AGFG1: variants seen among roughly 807,000 people sequenced by gnomAD.
The protein encoded by AGFG1 is ArfGAP with FG repeats 1.
Under a neutral mutation model 60.6 loss-of-function variants are expected in AGFG1, and 10 were observed. That is an observed-to-expected ratio of 0.16 (90% CI 0.10 to 0.28). The LOEUF (loss-of-function observed/expected upper bound fraction) is 0.28. Among genes scored for constraint, AGFG1 ranks in the 10% least tolerant of loss-of-function variants. The pLI is 1.00. For synonymous variants in AGFG1, 247 were observed against 242.9 expected (o/e 1.02, Z -0.16); for missense variants, 537 against 676.5 (o/e 0.79, Z 2.29).
Position 227,554,482 on chromosome 2 carries a change from A to G in AGFG1, c.1676A>G (p.Asn559Ser), listed in dbSNP as rs1230050037. The part of the protein sequence containing the change: ...GQFPTGSSST[N>S]PFL ...TTTCCAACAGGAAGCTCATCAACCA[A>G]TCCTTTCTTATAGCCTTATATAGAC... Residue 559 changes from asparagine (N) to serine (S), a missense_variant, in exon 13 of 13, where the codon AAT becomes AGT. Asn to Ser is a conservative substitution (Grantham distance 46). This residue lies in a region of AGFG1 where 28 missense variants were observed against 51.5 expected (regional missense o/e 0.54). Transcript: ENST00000310078. The G allele has an allele frequency of 2.5e-6, 4 of 1,613,536 alleles. No individual in the cohort carries two copies. In the South Asian group the frequency reaches 3.3e-5, roughly 13 times the overall value.
At chr2:227,494,997 A>C (rs2106173535) in intron 2 of AGFG1, among the ~76,000 whole-genome samples, 1 of 152,318 alleles carries the variant, frequency 6.6e-6, no homozygotes, top group African/African-American at 2.4e-5. Flanking sequence ...AGAGTAGATC[A>C]TTAGTTTCTA....
At position 227,554,460 on chromosome 2, in the gene AGFG1, C is replaced by G; in HGVS notation, c.1654C>G (p.Pro552Ala). Reference protein sequence around the residue: ...FMTGAPTGQFPTGSSSTNPFL With the variant: ...FMTGAPTGQFATGSSSTNPFL ...GACTGGTGCACCAACAGGACAATTT[C>G]CAACAGGAAGCTCATCAACCAATCC... Residue 552 changes from proline to alanine, a missense_variant, in exon 13 of 13, where the codon CCA becomes GCA. Pro to Ala is a conservative substitution (Grantham distance 27, BLOSUM62 -1). Transcript: ENST00000310078. The G allele has an allele frequency of 6.2e-7, 1 of 1,613,610 alleles. No individual in the cohort carries two copies. The highest frequency in any genetic ancestry group is 1.1e-5 in the South Asian group (1 of 91,036).
Position 227,559,119 on chromosome 2 carries a change from G to A in AGFG1, c.*4624G>A, listed in dbSNP as rs928096964. ...GTCCAATTATTGTGCTCTTATAGGG[G>A]TTGCACATTCAAGGCTTACACTGAA... On this transcript the variant is annotated 3_prime_UTR_variant, in exon 13 of 13. Coordinates refer to ENST00000310078, the MANE Select transcript of AGFG1 (RefSeq NM_004504.5). 1 of 152,180 alleles carries A rather than the reference G, an allele frequency of 6.6e-6. No homozygotes were observed. The allele number at this position is 152,180 out of a possible 1,614,324, so 9.4% of individuals were successfully genotyped here.
chr2:227,490,358 C>T (rs987407526), intron 1 of AGFG1, among the ~76,000 whole-genome samples: 1 of 152,102 alleles, frequency 6.6e-6, no homozygotes, highest in African/African-American at 2.4e-5. Flanking sequence ...GCAGGTGGAT[C>T]ACGAGGTCAG....
chr2:227,533,845 C>T, intron 7 of AGFG1, 87 bp downstream of exon 7: 1 of 1,229,004 alleles, frequency 8.1e-7, no homozygotes, highest in South Asian at 1.5e-5. Flanking sequence ...GAACATGCTA[C>T]ACTTTTCTCA....
Position 227,559,697 on chromosome 2 carries a change from A to C in AGFG1, c.*5202A>C, listed in dbSNP as rs1693082428. 1 of 152,190 alleles carries C rather than the reference A, an allele frequency of 6.6e-6. No homozygotes were observed. The highest frequency in any genetic ancestry group is 2.1e-4 in the South Asian group (1 of 4,834). The allele number at this position is 152,190 out of a possible 1,614,324, so 9.4% of individuals were successfully genotyped here. ...TATCCAAGTTACAATTTAAGCAATGAGAGTAAAATTTGAATTCTAAATTCT... is the reference window on the plus strand; with the variant it reads ...TATCCAAGTTACAATTTAAGCAATGCGAGTAAAATTTGAATTCTAAATTCT... On this transcript the variant is annotated 3_prime_UTR_variant, in exon 13 of 13. Transcript: ENST00000310078.
At chr2:227,498,987 TTG>T (rs1336858744) in intron 2 of AGFG1, among the ~76,000 whole-genome samples, 4 of 152,172 alleles carry the variant, frequency 2.6e-5, no homozygotes, top group African/African-American at 7.2e-5. Context: ...AAGAGTTTTT[TTG>T]TGGAGTTATT....
At chr2:227,530,791 T>C (rs1336617689) in intron 5 of AGFG1, among the ~76,000 whole-genome samples, 1 of 152,216 alleles carries the variant, frequency 6.6e-6, no homozygotes, top group Non-Finnish European at 1.5e-5. Context: ...TACTCTGAAA[T>C]AGTTTCCTTT....
At chr2:227,506,875 C>G in intron 2 of AGFG1, among the ~76,000 whole-genome samples, 1 of 152,168 alleles carries the variant, frequency 6.6e-6, no homozygotes, top group South Asian at 2.1e-4. Flanking sequence ...GTAGTGTCAA[C>G]GTTCCTCTGT....
intron 2 of AGFG1, among the ~76,000 whole-genome samples, chr2:227,503,597 C>G (rs1414113099): frequency 6.6e-6 from 1 of 152,106 alleles, no homozygotes; most frequent in Non-Finnish European, 1.5e-5. Context: ...GCTTTGGGCA[C>G]CAAGTGGTGG....
intron 1 of AGFG1, among the ~76,000 whole-genome samples, chr2:227,481,099 CTTTTTTTTTTT>C (rs36152184): frequency 9.2e-5 from 7 of 75,726 alleles, no homozygotes; most frequent in African/African-American, 2.7e-4. Flanking sequence ...GTGTTTTAGG[CTTTTTTTTTTT>C]TTTTTTTTTT....
chr2:227,480,896 T>G (rs1690438436), intron 1 of AGFG1, among the ~76,000 whole-genome samples: 1 of 152,204 alleles, frequency 6.6e-6, no homozygotes, highest in Non-Finnish European at 1.5e-5. Flanking sequence ...TACTTTACCC[T>G]TGGAACTTTC....
At chr2:227,523,035 G>A (rs1451600131) in intron 3 of AGFG1, among the ~76,000 whole-genome samples, 1 of 152,156 alleles carries the variant, frequency 6.6e-6, no homozygotes, top group East Asian at 1.9e-4. Flanking sequence ...TATAAAGAGA[G>A]GACTGTGGTT....
intron 2 of AGFG1, among the ~76,000 whole-genome samples, chr2:227,499,995 T>C (rs1321314129): frequency 2.0e-5 from 3 of 152,214 alleles, no homozygotes; most frequent in Admixed American, 2.0e-4. Flanking sequence ...AAATTGATGT[T>C]GGGTTCTTAC....
At chr2:227,551,680 A>C (rs997524063) in intron 10 of AGFG1, among the ~76,000 whole-genome samples, 7 of 152,186 alleles carry the variant, frequency 4.6e-5, no homozygotes, top group Admixed American at 1.3e-4. Context: ...TTAGACTTGA[A>C]TTTATAATTT....
chr2:227,522,772 G>A (rs1691861362), intron 3 of AGFG1, among the ~76,000 whole-genome samples: 1 of 152,160 alleles, frequency 6.6e-6, no homozygotes, highest in Non-Finnish European at 1.5e-5. Flanking sequence ...ATTACAAAGA[G>A]CAAAAGCTCT....
At chr2:227,482,509 CAT>C (rs1690499582) in intron 1 of AGFG1, among the ~76,000 whole-genome samples, 1 of 152,266 alleles carries the variant, frequency 6.6e-6, no homozygotes, top group South Asian at 2.1e-4. Flanking sequence ...TGCTATGAAA[CAT>C]ATGTAATATT....
At chr2:227,492,171 T>G (rs1256600117) in intron 2 of AGFG1, among the ~76,000 whole-genome samples, 3 of 152,126 alleles carry the variant, frequency 2.0e-5, no homozygotes, top group Non-Finnish European at 4.4e-5. Flanking sequence ...GATGGAAGCT[T>G]TTTTTCTTCT....
chr2:227,517,343 G>A (rs1297579531), intron 2 of AGFG1, among the ~76,000 whole-genome samples: 1 of 152,222 alleles, frequency 6.6e-6, no homozygotes, highest in Non-Finnish European at 1.5e-5. Context: ...TCGGCTCACT[G>A]CAACCTCTGA....
Sources: gnomAD v4.1 joint callset for allele counts (sites outside exome capture counted in the v4.1 genomes callset) on GRCh38, gnomAD v4.1.1 for gene constraint, gnomAD v4.1.1 regional missense constraint, MANE v1.5 for transcripts, NCBI Gene and HGNC (gene_info 2026-07-23, HGNC 2026-07-21) for gene names.